The following BANK1 variants were observed in gnomAD, a reference collection of about 807,000 sequenced individuals.
BANK1 encodes the protein B cell scaffold protein with ankyrin repeats 1.
A neutral mutation model predicts 94.5 loss-of-function variants in BANK1; 95 were observed. The ratio of observed to expected loss-of-function variants is 1.00; its 90% CI spans 0.85 to 1.19. The LOEUF is 1.19. BANK1 is among the 50% of genes most tolerant of loss of function. The pLI is 0.00. For synonymous variants in BANK1, 334 were observed against 308.4 expected, an observed-to-expected ratio of 1.08 and a Z score of -0.87; for missense variants, 987 against 932.2, an observed-to-expected ratio of 1.06 and a Z score of -0.77.
rs1311987888 is a variant in BANK1 at position 102,072,332 on chromosome 4, T to G, written c.2243-13T>G. 1 of 1,556,636 alleles carries G rather than the reference T, an allele frequency of 6.4e-7. No individual in the cohort carries two copies. On this transcript the variant is annotated splice_polypyrimidine_tract_variant and intron_variant, in intron 14 of 16. Transcript: ENST00000322953. ...AATGAATAAAGAGGTAATAACTGAG[T>G]TTGTATTTCTAGGTAAGGAAACTGC...
Position 101,870,876 on chromosome 4 carries a change from G to A in BANK1, c.903+232G>A, listed in dbSNP as rs535102824. ...ATGGAAAACAGCTTATTCATTACAA[G>A]GTAGCCATTGTGATGGGCTCATTTT... On this transcript the variant is annotated intron_variant, in intron 5 of 16. Coordinates refer to ENST00000322953, the MANE Select transcript of BANK1 (RefSeq NM_017935.5). 2.0e-5 allele frequency among the ~76,000 whole-genome samples: 3 copies of A among 152,074 alleles called. No individual in the cohort carries two copies. The South Asian group carries it at 6.2e-4, about 32-fold the overall frequency.
intron 7 of BANK1, among the ~76,000 whole-genome samples, chr4:101,968,956 T>C (rs774277285): frequency 2.0e-5 from 3 of 152,082 alleles, no homozygotes; most frequent in African/African-American, 4.8e-5. Context: ...TGAGAAACCA[T>C]GTCCCTTTCC....
At chr4:102,007,119 AT>A (rs1483958311) in intron 7 of BANK1, among the ~76,000 whole-genome samples, 568 of 39,678 alleles carry the variant, frequency 0.014, 24 homozygotes, top group East Asian at 0.1. Context: ...ATAAATATAT[AT>A]TTTATATATA....
chr4:102,014,654 A>G (rs1726629766), intron 7 of BANK1, among the ~76,000 whole-genome samples: 1 of 152,108 alleles, frequency 6.6e-6, no homozygotes, highest in Non-Finnish European at 1.5e-5. Context: ...GGAGTATTTC[A>G]CATCTCTTGT....
At chr4:102,059,332 C>G (rs748561056) in intron 11 of BANK1, among the ~76,000 whole-genome samples, 2 of 152,140 alleles carry the variant, frequency 1.3e-5, no homozygotes, top group African/African-American at 4.8e-5. Context: ...TTACCTACCC[C>G]TCCTGAAATA....
chr4:101,862,480 G>A (rs764887188), intron 3 of BANK1, 46 bp from the exon 4 acceptor site: 2 of 1,528,452 alleles, frequency 1.3e-6, no homozygotes, highest in Non-Finnish European at 8.9e-7. Flanking sequence ...TTTGGTTAAT[G>A]TAAACTTTTC....
intron 7 of BANK1, among the ~76,000 whole-genome samples, chr4:101,991,511 A>C (rs73834541): frequency 6.6e-6 from 1 of 152,194 alleles, no homozygotes; most frequent in Non-Finnish European, 1.5e-5. Flanking sequence ...ATAGAGATAA[A>C]GTTGAAAATG....
chr4:101,813,605 CG>C (rs1458402296), intron 1 of BANK1, among the ~76,000 whole-genome samples: 4 of 152,118 alleles, frequency 2.6e-5, no homozygotes, highest in African/African-American at 9.7e-5. Context: ...CGTCCTTGAC[CG>C]CATTATGTAA....
intron 11 of BANK1, among the ~76,000 whole-genome samples, chr4:102,049,241 A>G (rs1307438623): frequency 6.6e-6 from 1 of 152,218 alleles, no homozygotes; most frequent in Non-Finnish European, 1.5e-5. Context: ...TAGTCATTAG[A>G]AGATTTCTAA....
At chr4:101,974,272 T>G (rs1196571797) in intron 7 of BANK1, among the ~76,000 whole-genome samples, 1 of 152,134 alleles carries the variant, frequency 6.6e-6, no homozygotes, top group Non-Finnish European at 1.5e-5. Context: ...AGGGCAGCAT[T>G]TAGCTATTAG....
chr4:101,833,395 A>G (rs906714602), intron 2 of BANK1, among the ~76,000 whole-genome samples: 27 of 152,206 alleles, frequency 1.8e-4, no homozygotes, highest in Admixed American at 8.5e-4. Context: ...TTATTTTACA[A>G]TAAAAGACTG....
chr4:101,941,847 G>A (rs913751743), intron 7 of BANK1, among the ~76,000 whole-genome samples: 26 of 151,454 alleles, frequency 1.7e-4, no homozygotes, highest in African/African-American at 6.3e-4. Context: ...GTTTCCCCAG[G>A]GTTTCTTCAC....
chr4:102,043,643 G>A, intron 10 of BANK1, among the ~76,000 whole-genome samples, 196 bp from the exon 11 acceptor site: 1 of 151,996 alleles, frequency 6.6e-6, no homozygotes, highest in East Asian at 1.9e-4. Flanking sequence ...CAATGAAAAT[G>A]CTTTCTGAAA....
Position 102,056,109 on chromosome 4 carries a change from T to C in BANK1, c.1970-4102T>C, listed in dbSNP as rs1470453359. On this transcript the variant is annotated intron_variant, in intron 11 of 16. Coordinates refer to ENST00000322953, the MANE Select transcript of BANK1 (RefSeq NM_017935.5). Reference sequence around the variant, plus strand: ...AAAATTATTATAAAGCTTGTGTACTTATTTGAATTGAATAATGCAAAATGC... The same window carrying C: ...AAAATTATTATAAAGCTTGTGTACTCATTTGAATTGAATAATGCAAAATGC... Among the ~76,000 whole-genome samples, 5 of 152,174 alleles carry C rather than the reference T, an allele frequency of 3.3e-5. 1 individual carries two copies.
At chr4:102,018,172 T>A (rs553911710) in intron 7 of BANK1, among the ~76,000 whole-genome samples, 1 of 152,314 alleles carries the variant, frequency 6.6e-6, no homozygotes, top group East Asian at 1.9e-4. Flanking sequence ...TTACTTTTAA[T>A]ATTTAGTAAG....
intron 1 of BANK1, among the ~76,000 whole-genome samples, chr4:101,810,425 C>G (rs189418129): frequency 3.3e-5 from 5 of 152,036 alleles, no homozygotes; most frequent in Non-Finnish European, 7.4e-5. Flanking sequence ...TAGGACCTTC[C>G]GCATCAGGCA....
intron 6 of BANK1, among the ~76,000 whole-genome samples, chr4:101,915,470 T>C (rs1021659574): frequency 1.5e-4 from 23 of 152,132 alleles, no homozygotes; most frequent in Non-Finnish European, 2.6e-4. Context: ...ATTATGCAGA[T>C]TAGGACATAA....
At chr4:101,812,056 C>A (rs2148854796) in intron 1 of BANK1, among the ~76,000 whole-genome samples, 1 of 151,884 alleles carries the variant, frequency 6.6e-6, no homozygotes, top group African/African-American at 2.4e-5. Flanking sequence ...GGTTTTTTAT[C>A]AACATTATAA....
chr4:101,807,819 G>A (rs1016283484), intron 1 of BANK1, among the ~76,000 whole-genome samples: 2 of 152,070 alleles, frequency 1.3e-5, no homozygotes, highest in African/African-American at 4.8e-5. Flanking sequence ...GGTGGCTCAC[G>A]CCTGTAATCC....
Sources: gnomAD v4.1 joint callset for allele counts (sites outside exome capture counted in the v4.1 genomes callset) on GRCh38, gnomAD v4.1.1 for gene constraint, MANE v1.5 for transcripts, NCBI Gene and HGNC (gene_info 2026-07-23, HGNC 2026-07-21) for gene names.